Variants in MED1 observed in about 807,000 individuals in gnomAD.
MED1 encodes mediator complex subunit 1.
In MED1, 17 loss-of-function variants were observed where a neutral mutation model predicts 121.3. That is an observed-to-expected ratio of 0.14 (90% CI 0.10 to 0.21). The LOEUF (loss-of-function observed/expected upper bound fraction) is 0.21. Among genes scored for constraint, MED1 ranks in the 10% least tolerant of loss-of-function variants. MED1 has a pLI of 1.00. For synonymous variants in MED1, 661 were observed against 694.4 expected (o/e 0.95, Z 0.76); for missense variants, 1,558 against 1,919.4 (o/e 0.81, Z 3.52).
intron 13 of MED1, among the ~76,000 whole-genome samples, chr17:39,420,202 T>TC (rs2048448056): frequency 6.7e-6 from 1 of 149,196 alleles, no homozygotes; most frequent in Non-Finnish European, 1.5e-5. Flanking sequence ...AATCTCTTTT[T>TC]TTTTTTTTTT....
intron 16 of MED1, among the ~76,000 whole-genome samples, chr17:39,413,645 G>A (rs1338676771): frequency 6.6e-6 from 1 of 151,778 alleles, no homozygotes; most frequent in Non-Finnish European, 1.5e-5. Flanking sequence ...TAGGTGGAAG[G>A]ATAACCTGAA....
chr17:39,443,610 T>C lies in MED1; in HGVS notation c.151A>G (p.Ser51Gly), dbSNP rs1303624947. 6.2e-7 allele frequency: 1 copy of C among 1,613,856 alleles called. No homozygotes were observed. The highest frequency in any genetic ancestry group is 1.1e-5 in the South Asian group (1 of 91,074). Residue 51 changes from serine to glycine, a missense_variant, in exon 3 of 17, where the codon AGT becomes GGT. Ser to Gly is a moderately conservative substitution (Grantham distance 56, BLOSUM62 0). Transcript: ENST00000300651. The part of the protein sequence containing the change: ...RQVMEKRVVM[S>G]SGGHQHLVSC... ...ACCAAATGTTGATGCCCTCCAGAAC[T>C]CATCACAACCCTCTTCTCCTGTGTC...
At chr17:39,447,715 T>G (rs531532971) in intron 2 of MED1, 83 bp downstream of exon 2, 7 of 973,556 alleles carry the variant, frequency 7.2e-6, no homozygotes. Flanking sequence ...GAAGATAGTA[T>G]GAACACATCT....
intron 16 of MED1, among the ~76,000 whole-genome samples, chr17:39,413,937 A>C (rs71369754): frequency 2.4e-5 from 3 of 123,678 alleles, no homozygotes; most frequent in Admixed American, 8.2e-5. Context: ...AAAAAAAAAA[A>C]CAAAGCTGGC....
Position 39,405,095 on chromosome 17 carries a change from A to T in MED1, c.*2380T>A. On this transcript the variant is annotated 3_prime_UTR_variant, in exon 17 of 17. Coordinates refer to ENST00000300651, the MANE Select transcript of MED1 (RefSeq NM_004774.4). ...TTGAAACAGAAGAATGAGTACACCT[A>T]GACAGGAGGGAGGTGTCCCAGGCTT... 9.5e-7 allele frequency: 1 copy of T among 1,054,328 alleles called. No homozygotes were observed. The highest frequency in any genetic ancestry group is 1.3e-6 in the Non-Finnish European group (1 of 757,504). 65.3% of individuals were successfully genotyped at this position (1,054,328 alleles called of 1,614,324 possible). A position where few individuals can be genotyped will look rare whatever the true frequency, so the allele number is the denominator to read the frequency against.
At position 39,424,614 on chromosome 17, in the gene MED1, A is replaced by G. The variant is rs377022741; in HGVS notation, c.851+13T>C. 19 of 1,529,004 alleles carry G rather than the reference A, an allele frequency of 1.2e-5. No individual in the cohort carries two copies. The African/African-American group carries it at 1.7e-4, about 13-fold the overall frequency. The allele number at this position is 1,529,004 out of a possible 1,614,324, so 94.7% of individuals were successfully genotyped here. On this transcript the variant is annotated intron_variant, in intron 11 of 16. Transcript: ENST00000300651. ...AAATTGACTTTGCTACTCTAAAATT[A>G]TATTTAACTTACCATTTATTGTCAA... is the stretch of plus-strand genomic sequence containing the variant.
At position 39,409,088 on chromosome 17, in the gene MED1, T is replaced by G; in HGVS notation, c.3133A>C (p.Ser1045Arg). ...GGGGGAGTCTGAGATCTTCCTGCAC[T>G]GCCTGGCGATTTAGATCCACCTGTA... Reference protein sequence around the residue: ...TSTGGSKSPGSAGRSQTPPGV... With the variant: ...TSTGGSKSPGRAGRSQTPPGV... Residue 1045 changes from serine to arginine, a missense_variant, in exon 17 of 17, where the codon AGT becomes CGT. Around this residue, in one of 5 missense-constraint regions of MED1, gnomAD observed 793 missense variants for 898.2 expected, o/e 0.88. Coordinates refer to ENST00000300651, the MANE Select transcript of MED1 (RefSeq NM_004774.4). 6.2e-7 allele frequency: 1 copy of G among 1,614,218 alleles called. No individual in the cohort carries two copies.
Position 39,409,343 on chromosome 17 carries a change from T to A in MED1, c.2878A>T (p.Thr960Ser), listed in dbSNP as rs773832261. 5 of 1,614,074 alleles carry A rather than the reference T, an allele frequency of 3.1e-6. No individual in the cohort carries two copies. The highest frequency in any genetic ancestry group is 1.7e-5 in the Admixed American group (1 of 60,008). ...HSGSQGPLLT[T>S]GDLGKEKTQK... ...GTCTTTTCTTTCCCTAAGTCCCCAG[T>A]GGTCAGTAAAGGACCCTGACTACCA... The change falls in exon 17 of 17, where the codon ACT (threonine) becomes TCT (serine). Residue 960 changes from threonine (T) to serine (S), a missense_variant. Around this residue, in one of 5 missense-constraint regions of MED1, gnomAD observed 793 missense variants for 898.2 expected, o/e 0.88. Coordinates refer to ENST00000300651, the MANE Select transcript of MED1 (RefSeq NM_004774.4).
chr17:39,446,826 A>G (rs1180972946), intron 2 of MED1, among the ~76,000 whole-genome samples: 4 of 151,594 alleles, frequency 2.6e-5, no homozygotes, highest in Admixed American at 2.6e-4. Flanking sequence ...CTGTTGTTCC[A>G]GATACTAGGA....
At chr17:39,441,824 T>C (rs978003652) in intron 3 of MED1, among the ~76,000 whole-genome samples, 2 of 151,868 alleles carry the variant, frequency 1.3e-5, no homozygotes, top group African/African-American at 4.8e-5. Context: ...CAGCTGAGAC[T>C]GGGCAAAGTG....
At position 39,434,311 on chromosome 17, in the gene MED1, A is replaced by T; in HGVS notation, c.438T>A (p.Asn146Lys). The T allele has an allele frequency of 1.3e-6, 2 of 1,562,864 alleles. No homozygotes were observed. Among genetic ancestry groups the T allele is most frequent in the Non-Finnish European group, 1.7e-6 (2 of 1,154,774 alleles). ...PELVQQLREKNFDEFSKHLKG... is the reference protein window; with the variant it reads ...PELVQQLREKKFDEFSKHLKG... ...TAAGGTGCTTAGAAAATTCATCAAA[A>T]TTTTTTTCCCTATAAGGAGTTCAGG... The change falls in exon 7 of 17, where the codon AAT becomes AAA. Residue 146 changes from asparagine (N) to lysine (K), a missense_variant. Around this residue, in one of 5 missense-constraint regions of MED1, gnomAD observed 443 missense variants for 532.4 expected, o/e 0.83. Transcript: ENST00000300651.
intron 3 of MED1, 127 bp downstream of exon 3, chr17:39,443,423 T>A (rs2048697831): frequency 2.9e-6 from 2 of 681,438 alleles, no homozygotes; most frequent in African/African-American, 3.6e-5. Context: ...CATAAATGAA[T>A]GCAAGAGCAA....
rs890892804 is a variant in MED1, at chr17:39,425,408, G to T, written c.740-670C>A. Among the ~76,000 whole-genome samples, 6 of 152,254 alleles carry T rather than the reference G, an allele frequency of 3.9e-5. No individual in the cohort carries two copies. In the South Asian group the frequency reaches 1.2e-3, roughly 32 times the overall value. Reference sequence around the variant, plus strand: ...GGGGTTTCATCAGGTTGGCCAGGCTGGTCTCAAACTCCTGGCCTAAAGTTG... The same window carrying T: ...GGGGTTTCATCAGGTTGGCCAGGCTTGTCTCAAACTCCTGGCCTAAAGTTG... On this transcript the variant is annotated intron_variant, in intron 10 of 16. Coordinates refer to ENST00000300651, the MANE Select transcript of MED1 (RefSeq NM_004774.4).
At chr17:39,446,469 C>T (rs1442553697) in intron 2 of MED1, among the ~76,000 whole-genome samples, 2 of 117,262 alleles carry the variant, frequency 1.7e-5, no homozygotes, top group Admixed American at 9.1e-5. Flanking sequence ...AAAAAAAAAA[C>T]GATTTCTACA....
intron 3 of MED1, among the ~76,000 whole-genome samples, chr17:39,443,309 A>C (rs2048696843): frequency 6.6e-6 from 1 of 152,102 alleles, no homozygotes; most frequent in South Asian, 2.1e-4. Flanking sequence ...CTCCCCAGGT[A>C]TCTTATATTA....
chr17:39,414,410 A>T (rs1452620759), intron 16 of MED1, among the ~76,000 whole-genome samples: 1 of 149,152 alleles, frequency 6.7e-6, no homozygotes, highest in East Asian at 2.0e-4. Flanking sequence ...ATCTCGGCTC[A>T]CTGCAAGCTC....
In MED1 at chr17:39,410,460, C is replaced by T; in HGVS notation, c.1761G>A (p.Glu587=). 1 of 1,614,072 alleles carries T rather than the reference C, an allele frequency of 6.2e-7. No homozygotes were observed. Among genetic ancestry groups the T allele is most frequent in the East Asian group, 2.2e-5 (1 of 44,870 alleles). Residue 587 remains glutamate, a synonymous_variant, in exon 17 of 17, where the codon GAG becomes GAA. Coordinates refer to ENST00000300651, the MANE Select transcript of MED1 (RefSeq NM_004774.4). The part of the protein sequence containing the change: ...NMSMSIKDRH[E]SVGHGEDFSK... ...TGAAGTCCTCCCCATGGCCCACCGA[C>T]TCATGCCGATCTTTGATGCTCATGC...
chr17:39,405,050 C>T lies in MED1; in HGVS notation c.*2425G>A, dbSNP rs1025216305. 10 of 678,506 alleles carry T rather than the reference C, an allele frequency of 1.5e-5. No homozygotes were observed. The East Asian group carries it at 2.8e-4, about 19-fold the overall frequency. The allele number at this position is 678,506 out of a possible 1,614,324, so 42.0% of individuals were successfully genotyped here. On this transcript the variant is annotated 3_prime_UTR_variant, in exon 17 of 17. Transcript: ENST00000300651. ...GCAGCAGAAGATAGGTAGAAGTTGA[C>T]TTCATGTCCTTGCCTTCTTTTGAAA...
rs2048699288 is a variant in MED1 at position 39,443,594 on chromosome 17, T to A, written c.167A>T (p.Gln56Leu). 2 of 1,613,926 alleles carry A rather than the reference T, an allele frequency of 1.2e-6. No individual in the cohort carries two copies. Among genetic ancestry groups the A allele is most frequent in the Non-Finnish European group, 1.7e-6 (2 of 1,179,980 alleles). The change falls in exon 3 of 17, where the codon CAA becomes CTA. Residue 56 changes from glutamine to leucine, a missense_variant. By Grantham distance (113) the Gln-to-Leu change is moderately radical (BLOSUM62 -2). Transcript: ENST00000300651. ...TGTCTCCAAACAGCTGACCAAATGT[T>A]GATGCCCTCCAGAACTCATCACAAC... is the stretch of plus-strand genomic sequence containing the variant. ...KRVVMSSGGH[Q>L]HLVSCLETLQ...
Sources: allele counts gnomAD v4.1 joint callset (sites outside exome capture counted in the v4.1 genomes callset), GRCh38; gene constraint gnomAD v4.1.1; regional missense constraint gnomAD v4.1.1; transcripts MANE v1.5; gene names NCBI Gene and HGNC (gene_info 2026-07-23, HGNC 2026-07-21).